ACVR1: variants seen among roughly 807,000 people sequenced by gnomAD.
The protein encoded by ACVR1 is activin receptor type-1.
ACVR1 carries 38 observed loss-of-function variants against 57.1 expected under a neutral mutation model. That is an observed-to-expected ratio of 0.67 (90% CI 0.51 to 0.87). The LOEUF is 0.87. ACVR1 is among the 40% of genes least tolerant of loss of function. ACVR1 has a pLI of 0.00. For synonymous variants in ACVR1, 212 were observed against 228.1 expected (o/e 0.93, Z 0.63); for missense variants, 463 against 638.2 (o/e 0.73, Z 2.96).
At chr2:157,847,452 G>C (rs1342761562) in intron 1 of ACVR1, among the ~76,000 whole-genome samples, 2 of 152,150 alleles carry the variant, frequency 1.3e-5, no homozygotes, top group East Asian at 1.9e-4. Flanking sequence ...CTACAACAGA[G>C]AGTCCATTTT....
chr2:157,747,011 T>C (rs1321188472), intron 9 of ACVR1, among the ~76,000 whole-genome samples: 1 of 152,204 alleles, frequency 6.6e-6, no homozygotes, highest in African/African-American at 2.4e-5. Flanking sequence ...TTTATGCTCA[T>C]GGTTCACTTG....
chr2:157,838,368 T>A (rs1688864376), intron 1 of ACVR1: 1 of 152,150 alleles, frequency 6.6e-6, no homozygotes, highest in African/African-American at 2.4e-5. Flanking sequence ...CAACCCATAG[T>A]GACAAGTTGC....
intron 1 of ACVR1, among the ~76,000 whole-genome samples, chr2:157,830,767 G>A (rs1247557238): frequency 6.6e-6 from 1 of 150,666 alleles, no homozygotes; most frequent in Non-Finnish European, 1.5e-5. Flanking sequence ...TTTTTTCCCA[G>A]AGAATTATTC....
intron 1 of ACVR1, among the ~76,000 whole-genome samples, chr2:157,854,033 T>C (rs1448633639): frequency 6.6e-6 from 1 of 152,210 alleles, no homozygotes; most frequent in African/African-American, 2.4e-5. Flanking sequence ...CTGTAATCAC[T>C]GATTTACGTG....
intron 9 of ACVR1, among the ~76,000 whole-genome samples, chr2:157,738,944 G>A (rs1252727736): frequency 1.3e-5 from 2 of 152,152 alleles, no homozygotes; most frequent in Non-Finnish European, 2.9e-5. Context: ...GCTACCTATG[G>A]AAAGTACCTG....
intron 3 of ACVR1, among the ~76,000 whole-genome samples, chr2:157,784,781 C>T (rs963233304): frequency 6.6e-6 from 1 of 152,242 alleles, no homozygotes; most frequent in Admixed American, 6.5e-5. Flanking sequence ...AAGATTTTTC[C>T]TGCTCTGTAT....
At chr2:157,860,599 T>C (rs1689685788) in intron 1 of ACVR1, among the ~76,000 whole-genome samples, 1 of 152,252 alleles carries the variant, frequency 6.6e-6, no homozygotes, top group Non-Finnish European at 1.5e-5. Flanking sequence ...CCTGCATTTT[T>C]CAAACTTATT....
intron 1 of ACVR1, among the ~76,000 whole-genome samples, chr2:157,819,852 T>C (rs777894053): frequency 6.6e-6 from 1 of 152,172 alleles, no homozygotes; most frequent in East Asian, 1.9e-4. Context: ...AAATTTTTAT[T>C]AGAACCAAAC....
chr2:157,764,944 T>C (rs547322756), intron 8 of ACVR1, among the ~76,000 whole-genome samples: 46 of 152,290 alleles, frequency 3.0e-4, no homozygotes, highest in Non-Finnish European at 2.9e-5. Flanking sequence ...ATCCCTTATG[T>C]TTAAAAACAA....
chr2:157,822,994 A>G (rs574020324), intron 1 of ACVR1, among the ~76,000 whole-genome samples: 26 of 152,388 alleles, frequency 1.7e-4, no homozygotes, highest in African/African-American at 6.2e-4. Flanking sequence ...AGCGTAGGAT[A>G]TGTATACAGT....
intron 1 of ACVR1, among the ~76,000 whole-genome samples, chr2:157,835,848 A>AG (rs1180226305): frequency 6.6e-6 from 1 of 152,236 alleles, no homozygotes; most frequent in Non-Finnish European, 1.5e-5. Context: ...AGCATCCTCT[A>AG]GTGAACAGAA....
intron 1 of ACVR1, among the ~76,000 whole-genome samples, chr2:157,824,999 G>A (rs182329861): frequency 6.6e-6 from 1 of 152,238 alleles, no homozygotes; most frequent in East Asian, 1.9e-4. Flanking sequence ...GCCCACCTCA[G>A]TCTCTCAAAG....
chr2:157,818,908 C>T (rs2105329768), intron 1 of ACVR1, among the ~76,000 whole-genome samples: 1 of 151,502 alleles, frequency 6.6e-6, no homozygotes, highest in African/African-American at 2.4e-5. Context: ...GAAACCCCGT[C>T]TCTACTAAAA....
intron 2 of ACVR1, among the ~76,000 whole-genome samples, chr2:157,801,377 A>G (rs1687322832): frequency 1.3e-5 from 2 of 152,216 alleles, no homozygotes; most frequent in East Asian, 3.8e-4. Context: ...CCAAATGACA[A>G]GTGTTCTAAA....
intron 1 of ACVR1, among the ~76,000 whole-genome samples, chr2:157,871,897 T>C (rs760074909): frequency 2.1e-4 from 32 of 152,228 alleles, no homozygotes; most frequent in Non-Finnish European, 3.8e-4. Context: ...AAGGCTGTGA[T>C]GTGCCAACCA....
At chr2:157,851,073 G>A (rs1454184315) in intron 1 of ACVR1, among the ~76,000 whole-genome samples, 1 of 152,030 alleles carries the variant, frequency 6.6e-6, no homozygotes, top group Non-Finnish European at 1.5e-5. Context: ...CATTCAAAGG[G>A]TGCTATTTCA....
intron 3 of ACVR1, among the ~76,000 whole-genome samples, chr2:157,787,712 G>A (rs781687240): frequency 2.6e-5 from 4 of 152,106 alleles, no homozygotes; most frequent in Non-Finnish European, 4.4e-5. Flanking sequence ...CCACCTCCTC[G>A]GGCTAACCAG....
chr2:157,808,715 A>G (rs961699089), intron 2 of ACVR1, among the ~76,000 whole-genome samples: 9 of 152,098 alleles, frequency 5.9e-5, no homozygotes, highest in African/African-American at 1.4e-4. Flanking sequence ...TTGACATATT[A>G]TCTCCCCTGA....
intron 3 of ACVR1, among the ~76,000 whole-genome samples, chr2:157,793,213 T>C (rs566111060): frequency 6.6e-6 from 1 of 152,314 alleles, no homozygotes; most frequent in East Asian, 1.9e-4. Flanking sequence ...CTGCACACTG[T>C]TGACCACAAG....
Sources: allele counts gnomAD v4.1 joint callset (sites outside exome capture counted in the v4.1 genomes callset), GRCh38; gene constraint gnomAD v4.1.1; transcripts MANE v1.5; gene names NCBI Gene and HGNC (gene_info 2026-07-23, HGNC 2026-07-21).